PLCG1: variants seen among roughly 807,000 people sequenced by gnomAD.
The protein encoded by PLCG1 is phospholipase C gamma 1, also known as 1-phosphatidylinositol 4,5-bisphosphate phosphodiesterase gamma-1.
A neutral mutation model predicts 177.8 loss-of-function variants in PLCG1; 71 were observed. The observed-to-expected ratio is 0.40, with a 90% confidence interval of 0.33 to 0.49. The LOEUF (loss-of-function observed/expected upper bound fraction) is 0.49. Ranked by LOEUF, PLCG1 falls within the 20% of genes least tolerant of loss-of-function variation. PLCG1 has a pLI of 0.72. For synonymous variants in PLCG1, 658 were observed against 647.9 expected (o/e 1.02, Z -0.24); for missense variants, 1,281 against 1,709.0 (o/e 0.75, Z 4.42).
chr20:41,169,402 C>G, intron 22 of PLCG1, 55 bp from the exon 23 acceptor site: 1 of 1,353,042 alleles, frequency 7.4e-7, no homozygotes, highest in South Asian at 1.2e-5. Flanking sequence ...CGGATATCCC[C>G]TCACACACAT....
chr20:41,160,223 AAGT>A lies in PLCG1; in HGVS notation c.512+73_512+75del, dbSNP rs1161529963. 1.4e-6 allele frequency: 2 copies of A among 1,417,120 alleles called. No individual in the cohort carries two copies. The highest frequency in any genetic ancestry group is 2.0e-6 in the Non-Finnish European group (2 of 1,004,052). 87.8% of individuals were successfully genotyped at this position (1,417,120 alleles called of 1,614,324 possible). A position where few individuals can be genotyped will look rare whatever the true frequency, so the allele number is the denominator to read the frequency against. Reference sequence around the variant, plus strand: ...CATCCAGAACCTTAGCCAGGCCTCTAAGTAGCTGCCCGGAGAGCCAGAGGACCC... The same window carrying A: ...CATCCAGAACCTTAGCCAGGCCTCTAAGCTGCCCGGAGAGCCAGAGGACCC... On this transcript the variant is annotated intron_variant, in intron 4 of 31. Coordinates refer to ENST00000685551, the MANE Select transcript of PLCG1 (RefSeq NM_002660.3). The surrounding 1 kb of genome is among the most constrained non-coding windows in gnomAD (Gnocchi z 5.5).
chr20:41,145,708 G>A (rs1359046251), intron 1 of PLCG1, among the ~76,000 whole-genome samples: 1 of 152,220 alleles, frequency 6.6e-6, no homozygotes, highest in African/African-American at 2.4e-5. Context: ...CTAGAGAGTA[G>A]AGAAGTGTGA....
At position 41,162,655 on chromosome 20, in the gene PLCG1, G is replaced by A. The variant is rs764899653; in HGVS notation, c.611G>A (p.Arg204His). The A allele has an allele frequency of 6.2e-6, 10 of 1,613,850 alleles. No homozygotes were observed. In the East Asian group the frequency reaches 6.7e-5, roughly 11 times the overall value. Residue 204 changes from arginine to histidine, a missense_variant, in exon 6 of 32, where the codon CGC becomes CAC. Physicochemically the swap from Arg to His is conservative, Grantham distance 29. This residue lies in a region of PLCG1 where 374 missense variants were observed against 443.8 expected (regional missense o/e 0.84). Coordinates refer to ENST00000685551, the MANE Select transcript of PLCG1 (RefSeq NM_002660.3). ...LRERLTDLEQ[R>H]SGDITYGQFA... ...TATACCATGCAGGACCTGGAGCAGC[G>A]CAGCGGGGACATCACCTACGGGCAG...
In PLCG1 at chr20:41,165,760, C is replaced by A. The variant is rs777273430; in HGVS notation, c.1733C>A (p.Ala578Asp). The A allele has an allele frequency of 3.7e-6, 6 of 1,609,628 alleles. No homozygotes were observed. The East Asian group carries it at 1.1e-4, about 30-fold the overall frequency. The change falls in exon 16 of 32, where the codon GCC becomes GAC. Residue 578 changes from alanine (A) to aspartate (D), a missense_variant. By Grantham distance (126) the Ala-to-Asp change is moderately radical. Around this residue, in one of 4 missense-constraint regions of PLCG1, gnomAD observed 723 missense variants for 1,030.0 expected, o/e 0.70. Transcript: ENST00000685551. The surrounding 1 kb of genome is among the most constrained non-coding windows in gnomAD (Gnocchi z 6.6). ...LLTEYCIETG[A>D]PDGSFLVRES... is the part of the protein sequence containing the mutation. ...ACTGAGTACTGCATCGAGACCGGAGCCCCTGACGGCTCCTTCCTCGTGCGA... is the reference window on the plus strand; with the variant it reads ...ACTGAGTACTGCATCGAGACCGGAGACCCTGACGGCTCCTTCCTCGTGCGA...
intron 4 of PLCG1, 191 bp from the exon 5 acceptor site, chr20:41,162,258 TCAG>T: frequency 6.6e-6 from 1 of 152,402 alleles, no homozygotes; most frequent in Non-Finnish European, 1.3e-5. Context: ...TTTTTTTTGC[TCAG>T]ATGAGGAACT....
rs375041147 is a variant in PLCG1 at position 41,175,918 on chromosome 20, C to T, written c.*1409C>T. ...GTGGGTCCACTCTCTCCTGCCCACC[C>T]TCTGAGGGTGTGTCTGAGCAGAGTA... is the stretch of plus-strand genomic sequence containing the variant. On this transcript the variant is annotated 3_prime_UTR_variant, in exon 32 of 32. Transcript: ENST00000685551. 9 of 152,490 alleles carry T rather than the reference C, an allele frequency of 5.9e-5. No individual in the cohort carries two copies. The highest frequency in any genetic ancestry group is 2.2e-4 in the African/African-American group (9 of 41,580). The allele number at this position is 152,490 out of a possible 1,614,324, so 9.4% of individuals were successfully genotyped here.
intron 20 of PLCG1, 129 bp from the exon 21 acceptor site, chr20:41,168,638 A>T: frequency 1.6e-6 from 1 of 641,838 alleles, no homozygotes; most frequent in South Asian, 1.7e-5. Context: ...TGTTGATGGC[A>T]GTGTCATCTC....
At position 41,147,091 on chromosome 20, in the gene PLCG1, TCCA is replaced by T. The variant is rs369554080; in HGVS notation, c.217+9239_217+9241del. On this transcript the variant is annotated intron_variant, in intron 1 of 31. Coordinates refer to ENST00000685551, the MANE Select transcript of PLCG1 (RefSeq NM_002660.3). The surrounding 1 kb of genome is among the most constrained non-coding windows in gnomAD (Gnocchi z 4.0). Reference sequence around the variant, plus strand: ...ATGGTCACCCTATTCTGCCTGATAGTCCACCACCTGTTTGGAGGCAGCTCCCCT... The same window carrying T: ...ATGGTCACCCTATTCTGCCTGATAGTCCACCTGTTTGGAGGCAGCTCCCCT... 1.8e-3 allele frequency among the ~76,000 whole-genome samples: 271 copies of T among 152,264 alleles called. No homozygotes were observed. The highest frequency in any genetic ancestry group is 6.2e-3 in the African/African-American group (256 of 41,536).
chr20:41,173,099 TTC>T lies in PLCG1; in HGVS notation c.3279+224_3279+225del, dbSNP rs2035954540. ...TGACTTGTTCTGATGACTTGTTTTG[TTC>T]TGATGAGATCTTTTTTTTCCCTAAG... On this transcript the variant is annotated intron_variant, in intron 27 of 31. Transcript: ENST00000685551. The surrounding 1 kb of genome is among the most constrained non-coding windows in gnomAD (Gnocchi z 6.2). 6.6e-6 allele frequency among the ~76,000 whole-genome samples: 1 copy of T among 152,210 alleles called. No homozygotes were observed. Among genetic ancestry groups the T allele is most frequent in the African/African-American group, 2.4e-5 (1 of 41,448 alleles).
intron 1 of PLCG1, among the ~76,000 whole-genome samples, chr20:41,143,677 G>A (rs2034903117): frequency 6.6e-6 from 1 of 152,208 alleles, no homozygotes; most frequent in Non-Finnish European, 1.5e-5. Context: ...TGAAGTGCCT[G>A]GAGATTTGTG....
Position 41,166,936 on chromosome 20 carries a change from G to T in PLCG1, c.2301+77G>T. ...GAATCTTACCAGTCTCTGGATGTGT[G>T]TAACAGCAAGACCTGGTGTGTTGTA... On this transcript the variant is annotated intron_variant, in intron 19 of 31. Coordinates refer to ENST00000685551, the MANE Select transcript of PLCG1 (RefSeq NM_002660.3). The surrounding 1 kb of genome is among the most constrained non-coding windows in gnomAD (Gnocchi z 8.6). 1.5e-6 allele frequency: 2 copies of T among 1,353,568 alleles called. No homozygotes were observed. Among genetic ancestry groups the T allele is most frequent in the Non-Finnish European group, 1.0e-6 (1 of 954,124 alleles). The allele number at this position is 1,353,568 out of a possible 1,614,324, so 83.8% of individuals were successfully genotyped here.
chr20:41,155,288 G>A (rs2035285086), intron 1 of PLCG1, among the ~76,000 whole-genome samples: 3 of 152,222 alleles, frequency 2.0e-5, no homozygotes. Context: ...GCAGGCCAAG[G>A]CTGACCGTCC....
At position 41,137,562 on chromosome 20, in the gene PLCG1, G is replaced by T. The variant is rs540297098; in HGVS notation, c.-80G>T. ...CCGCTCGTCTGCCGCCTCAGCCTCA[G>T]CCCCAACCTCAGCCGCCGCCGTTGC... On this transcript the variant is annotated 5_prime_UTR_variant, in exon 1 of 32. Coordinates refer to ENST00000685551, the MANE Select transcript of PLCG1 (RefSeq NM_002660.3). The surrounding 1 kb of genome is among the most constrained non-coding windows in gnomAD (Gnocchi z 7.3). 20 of 830,310 alleles carry T rather than the reference G, an allele frequency of 2.4e-5. No homozygotes were observed. In the East Asian group the frequency reaches 3.7e-4, roughly 15 times the overall value. The allele number at this position is 830,310 out of a possible 1,614,324, so 51.4% of individuals were successfully genotyped here.
rs779262828 is a variant in PLCG1, at chr20:41,160,235, G to A, written c.512+82G>A. On this transcript the variant is annotated intron_variant, in intron 4 of 31. Transcript: ENST00000685551. The surrounding 1 kb of genome is among the most constrained non-coding windows in gnomAD (Gnocchi z 5.5). ...TAGCCAGGCCTCTAAGTAGCTGCCC[G>A]GAGAGCCAGAGGACCCAGGGGACCT... The A allele has an allele frequency of 1.8e-5, 24 of 1,322,964 alleles. No individual in the cohort carries two copies. Among genetic ancestry groups the A allele is most frequent in the South Asian group, 4.7e-5 (4 of 84,972 alleles). 82.0% of individuals were successfully genotyped at this position (1,322,964 alleles called of 1,614,324 possible).
chr20:41,162,416 T>C, intron 4 of PLCG1, 36 bp from the exon 5 acceptor site: 1 of 1,536,236 alleles, frequency 6.5e-7, no homozygotes, highest in Non-Finnish European at 9.0e-7. Flanking sequence ...CATGAGAAGC[T>C]GGATGAGACC....
Position 41,166,465 on chromosome 20 carries a change from C to T in PLCG1, c.2001-11C>T. ...GTGGTGCTGGCCGGGCCTGACTCTGCCTGTTCTCAGGTGGTACCACGCGAG... is the reference window on the plus strand; with the variant it reads ...GTGGTGCTGGCCGGGCCTGACTCTGTCTGTTCTCAGGTGGTACCACGCGAG... On this transcript the variant is annotated splice_polypyrimidine_tract_variant and intron_variant, in intron 17 of 31. Coordinates refer to ENST00000685551, the MANE Select transcript of PLCG1 (RefSeq NM_002660.3). This position sits in a 1 kb window ranked among gnomAD's most constrained non-coding sequence, Gnocchi z 8.6. 1 of 1,613,946 alleles carries T rather than the reference C, an allele frequency of 6.2e-7. No homozygotes were observed. Among genetic ancestry groups the T allele is most frequent in the Admixed American group, 1.7e-5 (1 of 60,028 alleles).
chr20:41,163,405 G>A lies in PLCG1; in HGVS notation c.817G>A (p.Val273Met), dbSNP rs2035578741. The change falls in exon 9 of 32, where the codon GTG becomes ATG. Residue 273 changes from valine (V) to methionine (M), a missense_variant. By Grantham distance (21) the Val-to-Met change is conservative. Coordinates refer to ENST00000685551, the MANE Select transcript of PLCG1 (RefSeq NM_002660.3). This position sits in a 1 kb window ranked among gnomAD's most constrained non-coding sequence, Gnocchi z 5.2. ...GCTGTGGGCTGTTGATCGCCTCCAG[G>A]TGCAGGAGTTCATGCTCAGCTTCCT... ...GELWAVDRLQ[V>M]QEFMLSFLRD... 2 of 1,613,382 alleles carry A rather than the reference G, an allele frequency of 1.2e-6. No individual in the cohort carries two copies. The highest frequency in any genetic ancestry group is 1.7e-6 in the Non-Finnish European group (2 of 1,179,594).
At chr20:41,139,607 A>G (rs1461397204) in intron 1 of PLCG1, among the ~76,000 whole-genome samples, 2 of 152,208 alleles carry the variant, frequency 1.3e-5, no homozygotes, top group Non-Finnish European at 2.9e-5. Flanking sequence ...TATATCCAGT[A>G]TATATGGTTG....
At position 41,163,520 on chromosome 20, in the gene PLCG1, G is replaced by A; in HGVS notation, c.891+41G>A. The A allele has an allele frequency of 6.9e-7, 1 of 1,452,748 alleles. No homozygotes were observed. The highest frequency in any genetic ancestry group is 9.6e-7 in the Non-Finnish European group (1 of 1,036,524). 90.0% of individuals were successfully genotyped at this position (1,452,748 alleles called of 1,614,324 possible). A position where few individuals can be genotyped will look rare whatever the true frequency, so the allele number is the denominator to read the frequency against. ...CACCCATTTTTTGTCAAGAGAATGA[G>A]TAGGGGTGACCAGGACCCCACCCGG... On this transcript the variant is annotated intron_variant, in intron 9 of 31. Transcript: ENST00000685551. The surrounding 1 kb of genome is among the most constrained non-coding windows in gnomAD (Gnocchi z 5.2).
Sources: allele counts gnomAD v4.1 joint callset (sites outside exome capture counted in the v4.1 genomes callset), GRCh38; gene constraint gnomAD v4.1.1; regional missense constraint gnomAD v4.1.1; non-coding constraint Gnocchi (gnomAD v3.1); transcripts MANE v1.5; gene names NCBI Gene and HGNC (gene_info 2026-07-23, HGNC 2026-07-21).